TM9SF4: variants seen among roughly 807,000 people sequenced by gnomAD.
TM9SF4 encodes the protein dinucleotide oxidase disulfide thiol exchanger 3 superfamily member 4.
In TM9SF4, 26 loss-of-function variants were observed where a neutral mutation model predicts 90.4. That is an observed-to-expected ratio of 0.29 (90% CI 0.21 to 0.40). TM9SF4 has a LOEUF of 0.40. Among genes scored for constraint, TM9SF4 ranks in the 10% least tolerant of loss-of-function variants. The probability of loss-of-function intolerance (pLI) is 1.00; values close to 1 mark genes in which losing one functional copy is unlikely to be tolerated. For synonymous variants in TM9SF4, 293 were observed against 315.4 expected, an observed-to-expected ratio of 0.93 and a Z score of 0.75; for missense variants, 549 against 834.8, an observed-to-expected ratio of 0.66 and a Z score of 4.22.
Position 32,145,115 on chromosome 20 carries a change from C to T in TM9SF4, c.677C>T (p.Ser226Leu), listed in dbSNP as rs1402853685. ...GACCTCAAAGCAGATGAGAAGAGTT[C>T]GTGCACTCTGCCTGAGGGTACCAAC... is the stretch of plus-strand genomic sequence containing the variant. ...LEDLKADEKSSCTLPEGTNSS... is the reference protein window; with the variant it reads ...LEDLKADEKSLCTLPEGTNSS... Residue 226 changes from serine to leucine, a missense_variant, in exon 7 of 18, where the codon TCG becomes TTG. Ser to Leu is a moderately radical substitution (Grantham distance 145). Transcript: ENST00000398022. 1.2e-5 allele frequency: 20 copies of T among 1,613,984 alleles called. No individual in the cohort carries two copies. The highest frequency in any genetic ancestry group is 4.5e-5 in the East Asian group (2 of 44,878).
chr20:32,111,712 G>C (rs1049976835), intron 1 of TM9SF4, among the ~76,000 whole-genome samples: 1 of 152,168 alleles, frequency 6.6e-6, no homozygotes, highest in Admixed American at 6.5e-5. Context: ...GAGGTGACTT[G>C]AGTTAAAACA....
At position 32,123,866 on chromosome 20, in the gene TM9SF4, A is replaced by ATATATACATATTTTTTTTTTT; in HGVS notation, c.16-9146_16-9145insATATACATATTTTTTTTTTTT. ...CTCTCATATATATATATATATATAT[A>ATATATACATATTTTTTTTTTT]TTTTTTTTTTTAAAGAGATAGGGTC... On this transcript the variant is annotated intron_variant, in intron 1 of 17. Transcript: ENST00000398022. Among the ~76,000 whole-genome samples the ATATATACATATTTTTTTTTTT allele has an allele frequency of 3.2e-5, 3 of 93,980 alleles. No individual in the cohort carries two copies. In the Admixed American group the frequency reaches 3.6e-4, roughly 11 times the overall value. 61.7% of individuals were successfully genotyped at this position (93,980 alleles called of 152,430 possible). A position where few individuals can be genotyped will look rare whatever the true frequency, so the allele number is the denominator to read the frequency against.
Position 32,112,704 on chromosome 20 carries a change from A to AC in TM9SF4, c.15+2949_15+2950insC, listed in dbSNP as rs202038737. The stretch of plus-strand genomic sequence containing the variant: ...GTGAGACCCTATCTCAAAAAAAAAA[A>AC]AAAAACAAAAAACAAAACACACCAC... On this transcript the variant is annotated intron_variant, in intron 1 of 17. Coordinates refer to ENST00000398022, the MANE Select transcript of TM9SF4 (RefSeq NM_014742.4). Among the ~76,000 whole-genome samples the AC allele has an allele frequency of 5.5e-3, 830 of 151,120 alleles. 12 individuals are homozygous for AC. Among genetic ancestry groups the AC allele is most frequent in the African/African-American group, 0.019 (781 of 40,996 alleles).
chr20:32,138,787 C>G (rs1287210490), intron 3 of TM9SF4, among the ~76,000 whole-genome samples: 1 of 152,240 alleles, frequency 6.6e-6, no homozygotes, highest in Non-Finnish European at 1.5e-5. Flanking sequence ...CTGTTCCTCT[C>G]TGTAGCTCTT....
intron 1 of TM9SF4, among the ~76,000 whole-genome samples, chr20:32,116,855 C>CTTTTTTT (rs2046231282): frequency 8.3e-6 from 1 of 119,850 alleles, no homozygotes; most frequent in African/African-American, 3.3e-5. Context: ...CCTCCTTTTT[C>CTTTTTTT]CTTTTTCTTT....
chr20:32,163,264 A>C (rs1273194290), intron 17 of TM9SF4, among the ~76,000 whole-genome samples: 1,036 of 79,774 alleles, frequency 0.013, 47 homozygotes, highest in African/African-American at 0.055. Context: ...AAAAAAAAAA[A>C]AAAAATATAT....
chr20:32,157,517 G>A (rs925553963), intron 13 of TM9SF4, among the ~76,000 whole-genome samples: 2 of 151,926 alleles, frequency 1.3e-5, no homozygotes, highest in African/African-American at 4.8e-5. Flanking sequence ...ATCTCTTCAC[G>A]TTCTCAGTCC....
chr20:32,127,323 T>C (rs938253607), intron 1 of TM9SF4, among the ~76,000 whole-genome samples: 1 of 152,200 alleles, frequency 6.6e-6, no homozygotes, highest in Non-Finnish European at 1.5e-5. Context: ...GTAATGCAAT[T>C]CATCTGCTTG....
intron 12 of TM9SF4, 29 bp downstream of exon 12, chr20:32,150,904 G>T (rs769669465): frequency 5.0e-6 from 8 of 1,612,026 alleles, no homozygotes; most frequent in South Asian, 4.4e-5. Context: ...CTCTTGTTTG[G>T]TGGGAAGCAG....
rs1026211448 is a variant in TM9SF4, at chr20:32,165,641, G to A, written c.*197G>A. On this transcript the variant is annotated 3_prime_UTR_variant, in exon 18 of 18. Transcript: ENST00000398022. ...TTGCGTTTTTCGTCATCTTATTCCA[G>A]TTCTGTGGGGGATGAGTTTTTTTGT... The A allele has an allele frequency of 1.6e-6, 1 of 610,526 alleles. No homozygotes were observed. The highest frequency in any genetic ancestry group is 3.0e-5 in the Admixed American group (1 of 33,024). The allele number at this position is 610,526 out of a possible 1,614,324, so 37.8% of individuals were successfully genotyped here. A position where few individuals can be genotyped will look rare whatever the true frequency, so the allele number is the denominator to read the frequency against.
intron 1 of TM9SF4, among the ~76,000 whole-genome samples, chr20:32,125,240 C>G (rs1021785656): frequency 6.6e-6 from 1 of 152,212 alleles, no homozygotes; most frequent in Non-Finnish European, 1.5e-5. Flanking sequence ...TTATCAAGCA[C>G]CTACTATGTG....
intron 1 of TM9SF4, among the ~76,000 whole-genome samples, chr20:32,122,409 C>T (rs560860023): frequency 7.4e-5 from 11 of 149,596 alleles, no homozygotes; most frequent in South Asian, 2.1e-4. Context: ...ACTTCTCAGA[C>T]GGGGGTGCTG....
At chr20:32,160,645 A>G (rs1056682973) in intron 16 of TM9SF4, among the ~76,000 whole-genome samples, 2 of 152,140 alleles carry the variant, frequency 1.3e-5, no homozygotes, top group Non-Finnish European at 1.5e-5. Flanking sequence ...GGATTCATCT[A>G]TAGCACTTAG....
chr20:32,116,856 C>CTT (rs1378348478), intron 1 of TM9SF4, among the ~76,000 whole-genome samples: 8 of 99,946 alleles, frequency 8.0e-5, no homozygotes, highest in African/African-American at 2.0e-4. Context: ...CTCCTTTTTC[C>CTT]TTTTTCTTTT....
At chr20:32,140,918 A>G (rs973732757) in intron 3 of TM9SF4, among the ~76,000 whole-genome samples, 3 of 152,080 alleles carry the variant, frequency 2.0e-5, no homozygotes, top group Admixed American at 6.5e-5. Context: ...GCCCAGAGGC[A>G]TAGAAGGATG....
chr20:32,148,405 A>G (rs2046793904), intron 9 of TM9SF4, among the ~76,000 whole-genome samples: 1 of 152,092 alleles, frequency 6.6e-6, no homozygotes, highest in African/African-American at 2.4e-5. Context: ...CTGAAAAGTG[A>G]TTGGCAGTGG....
At chr20:32,110,387 C>T (rs976240747) in intron 1 of TM9SF4, among the ~76,000 whole-genome samples, 1 of 152,142 alleles carries the variant, frequency 6.6e-6, no homozygotes, top group Non-Finnish European at 1.5e-5. Context: ...ACTCCCTGCC[C>T]CTCTCTTAGG....
At chr20:32,119,915 T>C (rs34600074) in intron 1 of TM9SF4, among the ~76,000 whole-genome samples, 20,996 of 152,164 alleles carry the variant, frequency 0.14, 1,519 homozygotes, top group East Asian at 0.18. Context: ...AAAAGACTTA[T>C]GTTTCTCTAT....
At chr20:32,123,588 A>G (rs1323429092) in intron 1 of TM9SF4, among the ~76,000 whole-genome samples, 1 of 151,200 alleles carries the variant, frequency 6.6e-6, no homozygotes, top group African/African-American at 2.4e-5. Context: ...AAGTATGTTA[A>G]ATGTTTTTAC....
Sources: gnomAD v4.1 joint callset for allele counts (sites outside exome capture counted in the v4.1 genomes callset) on GRCh38, gnomAD v4.1.1 for gene constraint, MANE v1.5 for transcripts, NCBI Gene and HGNC (gene_info 2026-07-23, HGNC 2026-07-21) for gene names.